CELF2: variants seen among roughly 807,000 people sequenced by gnomAD.
CELF2 encodes the protein CUG triplet repeat RNA-binding protein 2.
In CELF2, 8 loss-of-function variants were observed where a neutral mutation model predicts 62.6. That is an observed-to-expected ratio of 0.13 (90% confidence interval 0.07 to 0.23). The LOEUF (loss-of-function observed/expected upper bound fraction) is 0.23, where lower values mean the gene tolerates loss of function less well. CELF2 is among the 10% of genes least tolerant of loss of function. The probability of loss-of-function intolerance (pLI) is 1.00; values close to 1 mark genes in which losing one functional copy is unlikely to be tolerated. For missense variants in CELF2, 333 were observed against 671.0 expected, an observed-to-expected ratio of 0.50 and a Z score of 5.56; for synonymous variants, 258 against 250.0, an observed-to-expected ratio of 1.03 and a Z score of -0.30.
intron 1 of CELF2, among the ~76,000 whole-genome samples, chr10:11,077,612 T>C (rs1407880422): frequency 6.6e-6 from 1 of 152,192 alleles, no homozygotes; most frequent in Non-Finnish European, 1.5e-5. Flanking sequence ...TTATTACTTT[T>C]ATCAGCAAAA....
chr10:11,101,951 A>G (rs761535923), intron 1 of CELF2, among the ~76,000 whole-genome samples: 7 of 152,244 alleles, frequency 4.6e-5, no homozygotes, highest in Non-Finnish European at 1.0e-4. Flanking sequence ...TCAAACTCCC[A>G]TAATAAAGTT....
At chr10:10,552,657 A>G in the CELF2 span, among the ~76,000 whole-genome samples, 1 of 152,204 alleles carries the variant, frequency 6.6e-6, no homozygotes, top group African/African-American at 2.4e-5. Flanking sequence ...CATCACGGCT[A>G]GAGAGGAGAA....
Position 11,242,464 on chromosome 10 carries a change from G to A in CELF2, c.355-6689G>A, listed in dbSNP as rs2074248210. On this transcript the variant is annotated intron_variant, in intron 3 of 12. Coordinates refer to ENST00000633077, the MANE Select transcript of CELF2 (RefSeq NM_001326342.2). This position sits in a 1 kb window ranked among gnomAD's most constrained non-coding sequence, Gnocchi z 4.8. ...CCACCGAGGCAGAGGGCTTCAGAGA[G>A]CCCCACGAGGTTGTGTCCATAGTGG... Among the ~76,000 whole-genome samples the A allele has an allele frequency of 6.6e-6, 1 of 152,128 alleles. No homozygotes were observed. The highest frequency in any genetic ancestry group is 2.4e-5 in the African/African-American group (1 of 41,422).
intron 1 of CELF2, among the ~76,000 whole-genome samples, chr10:10,912,704 T>C (rs1230650909): frequency 6.6e-6 from 1 of 152,190 alleles, no homozygotes; most frequent in African/African-American, 2.4e-5. Context: ...TCATTTGCTA[T>C]AGCAGAAGCC....
chr10:10,791,819 G>C, the CELF2 span, among the ~76,000 whole-genome samples: 2 of 152,158 alleles, frequency 1.3e-5, no homozygotes, highest in Admixed American at 1.3e-4. Flanking sequence ...CAATTTGACG[G>C]AGTAATTTTA....
At chr10:11,035,215 C>G (rs915012313) in intron 1 of CELF2, among the ~76,000 whole-genome samples, 3 of 152,062 alleles carry the variant, frequency 2.0e-5, no homozygotes, top group African/African-American at 4.8e-5. Context: ...AAAAAAAATT[C>G]TAACCTTTCT....
intron 4 of CELF2, among the ~76,000 whole-genome samples, chr10:11,256,102 A>G (rs1003145596): frequency 1.6e-4 from 25 of 152,190 alleles, no homozygotes; most frequent in Non-Finnish European, 1.5e-5. Flanking sequence ...TATGAAGAGG[A>G]GCCTTTAGCT....
At chr10:10,782,901 C>A in the CELF2 span, among the ~76,000 whole-genome samples, 1 of 152,168 alleles carries the variant, frequency 6.6e-6, no homozygotes, top group Non-Finnish European at 1.5e-5. Context: ...GACTAAAGTT[C>A]AGCCGTAGAC....
the CELF2 span, among the ~76,000 whole-genome samples, chr10:10,775,533 G>A: frequency 6.6e-6 from 1 of 152,056 alleles, no homozygotes; most frequent in African/African-American, 2.4e-5. Context: ...GGCTGAGACA[G>A]GAAAATCACT....
At chr10:11,248,419 TTCCACCCTCCTC>T (rs1244816768) in intron 3 of CELF2, among the ~76,000 whole-genome samples, 1 of 151,986 alleles carries the variant, frequency 6.6e-6, no homozygotes, top group Non-Finnish European at 1.5e-5. Flanking sequence ...TCTCCCTCCC[TTCCACCCTCCTC>T]CTCTCCATCC....
intron 1 of CELF2, among the ~76,000 whole-genome samples, chr10:11,061,387 T>C (rs2066686720): frequency 6.6e-6 from 1 of 151,982 alleles, no homozygotes; most frequent in South Asian, 2.1e-4. Flanking sequence ...CTAGCAGAGG[T>C]TGGGTGATGA....
chr10:11,177,774 G>A lies in CELF2; in HGVS notation c.271+12092G>A, dbSNP rs1297143290. ...CAACAATTGCTTGTTGATTTGGGGT[G>A]AAGATGCCATGAACTCAGGAGCGGG... On this transcript the variant is annotated intron_variant, in intron 2 of 12. Transcript: ENST00000633077. The surrounding 1 kb of genome is among the most constrained non-coding windows in gnomAD (Gnocchi z 4.8). 6.6e-6 allele frequency among the ~76,000 whole-genome samples: 1 copy of A among 152,208 alleles called. No individual in the cohort carries two copies. The highest frequency in any genetic ancestry group is 2.4e-5 in the African/African-American group (1 of 41,454).
At chr10:10,629,519 AT>A in the CELF2 span, among the ~76,000 whole-genome samples, 39 of 152,244 alleles carry the variant, frequency 2.6e-4, no homozygotes, top group Non-Finnish European at 4.0e-4. Flanking sequence ...ACTTGCTTAA[AT>A]TTTTTTAAGC....
the CELF2 span, among the ~76,000 whole-genome samples, chr10:10,785,557 A>C: frequency 2.0e-5 from 3 of 152,174 alleles, no homozygotes; most frequent in African/African-American, 7.2e-5. Context: ...AAAGAAGGAG[A>C]TCCTGTTATT....
intron 1 of CELF2, among the ~76,000 whole-genome samples, chr10:11,067,356 G>T (rs371350219): frequency 6.6e-6 from 1 of 152,194 alleles, no homozygotes; most frequent in African/African-American, 2.4e-5. Context: ...AAGGCAGGTC[G>T]TCCATTGGGG....
At chr10:11,274,952 CA>C in intron 7 of CELF2, 104 bp from the exon 8 acceptor site, 1 of 1,084,236 alleles carries the variant, frequency 9.2e-7, no homozygotes, top group South Asian at 1.3e-5. Flanking sequence ...TAGGGAGTAG[CA>C]ACCAACCCTG....
rs907139314 is a variant in CELF2, at chr10:11,049,041, C to A, written c.74+30878C>A. ...GAATTGAGTGGGATCTTGGGTGTAA[C>A]CTATTACCATGAGAAATTGGCAAGA... On this transcript the variant is annotated intron_variant, in intron 1 of 12. Coordinates refer to ENST00000633077, the MANE Select transcript of CELF2 (RefSeq NM_001326342.2). Among the ~76,000 whole-genome samples the A allele has an allele frequency of 4.0e-5, 6 of 151,556 alleles. 1 individual carries two copies. The highest frequency in any genetic ancestry group is 3.3e-4 in the Admixed American group (5 of 15,214).
intron 8 of CELF2, among the ~76,000 whole-genome samples, chr10:11,277,240 T>G (rs997717436): frequency 1.3e-5 from 2 of 152,222 alleles, no homozygotes; most frequent in African/African-American, 4.8e-5. Context: ...TACGCTCTTG[T>G]CTTGTCCCAA....
intron 1 of CELF2, among the ~76,000 whole-genome samples, chr10:10,882,955 C>G (rs998851611): frequency 1.3e-5 from 2 of 152,080 alleles, no homozygotes; most frequent in African/African-American, 4.8e-5. Flanking sequence ...TTTATAAGCT[C>G]TGGGCATGAT....
Sources: gnomAD v4.1 joint callset for allele counts (sites outside exome capture counted in the v4.1 genomes callset) on GRCh38, gnomAD v4.1.1 for gene constraint, Gnocchi (gnomAD v3.1) non-coding constraint, MANE v1.5 for transcripts, NCBI Gene and HGNC (gene_info 2026-07-23, HGNC 2026-07-21) for gene names.